Variants in TUT7 observed in about 807,000 individuals in gnomAD.
TUT7 encodes terminal uridylyltransferase 7.
TUT7 carries 33 observed loss-of-function variants against 165.9 expected under a neutral mutation model. That is an observed-to-expected ratio of 0.20 (90% CI 0.15 to 0.27). The LOEUF (loss-of-function observed/expected upper bound fraction) is 0.27. Among genes scored for constraint, TUT7 ranks in the 10% least tolerant of loss-of-function variants. TUT7 has a pLI of 1.00. For synonymous variants in TUT7, 552 were observed against 608.1 expected, an observed-to-expected ratio of 0.91 and a Z score of 1.36; for missense variants, 1,338 against 1,762.3, an observed-to-expected ratio of 0.76 and a Z score of 4.31.
At position 86,340,183 on chromosome 9, in the gene TUT7, A is replaced by G. The variant is rs1587995023; in HGVS notation, c.1139-78T>C. ...AAGCAGAACCAGATAAAGTACAAGT[A>G]CCAGTTGTCCCTTAGCTGTTGAGTC... On this transcript the variant is annotated intron_variant, in intron 7 of 26. Transcript: ENST00000375963. The G allele has an allele frequency of 3.3e-6, 4 of 1,205,040 alleles. No homozygotes were observed. The East Asian group carries it at 9.3e-5, about 28-fold the overall frequency. The allele number at this position is 1,205,040 out of a possible 1,614,324, so 74.6% of individuals were successfully genotyped here.
chr9:86,312,032 C>T lies in TUT7; in HGVS notation c.3275-1223G>A, dbSNP rs541151567. On this transcript the variant is annotated intron_variant, in intron 17 of 26. Transcript: ENST00000375963. ...AAGTGCTGAGATTGCAGCCTCTGCC[C>T]GGCCGCCACCCCGTCTGGGAAGTGA... Among the ~76,000 whole-genome samples, 815 of 152,302 alleles carry T rather than the reference C, an allele frequency of 5.4e-3. 6 individuals are homozygous for T. Among genetic ancestry groups the T allele is most frequent in the Middle Eastern group, 0.037 (11 of 294 alleles).
At chr9:86,317,482 T>C (rs1396483559) in intron 16 of TUT7, among the ~76,000 whole-genome samples, 1 of 152,196 alleles carries the variant, frequency 6.6e-6, no homozygotes, top group East Asian at 1.9e-4. Context: ...TACTTCCTAA[T>C]TGTTTTTGGG....
At chr9:86,324,923 C>T (rs561960349) in intron 12 of TUT7, among the ~76,000 whole-genome samples, 7 of 152,106 alleles carry the variant, frequency 4.6e-5, no homozygotes, top group African/African-American at 1.7e-4. Context: ...ACATTTTTGA[C>T]GAGAAAAAGT....
At position 86,319,634 on chromosome 9, in the gene TUT7, C is replaced by T. The variant is rs1829044288; in HGVS notation, c.3065G>A (p.Arg1022His). Residue 1022 changes from arginine (R) to histidine (H), a missense_variant, in exon 15 of 27, where the codon CGT (arginine) becomes CAT (histidine). Transcript: ENST00000375963. ...FSPTIIEDQA[R>H]EHIRQNLESF... ...TTCTAGGTTTTGCCGAATATGTTCA[C>T]GAGCCTGATCTTCTATAATTGTTGG... is the stretch of plus-strand genomic sequence containing the variant. 1 of 1,609,030 alleles carries T rather than the reference C, an allele frequency of 6.2e-7. No individual in the cohort carries two copies. The highest frequency in any genetic ancestry group is 8.5e-7 in the Non-Finnish European group (1 of 1,178,294).
At chr9:86,304,803 A>C in intron 24 of TUT7, 53 bp downstream of exon 24, 5 of 1,258,578 alleles carry the variant, frequency 4.0e-6, no homozygotes, top group Non-Finnish European at 5.6e-6. Context: ...TGATGTGTAC[A>C]AATTAGGCAC....
At chr9:86,288,789 C>T in intron 26 of TUT7, 45 bp from the exon 27 acceptor site, 1 of 1,506,654 alleles carries the variant, frequency 6.6e-7, no homozygotes, top group Non-Finnish European at 9.2e-7. Context: ...TGAAACAAGC[C>T]TCGCTTTATG....
At position 86,352,728 on chromosome 9, in the gene TUT7, C is replaced by G. The variant is rs1280799744; in HGVS notation, c.472G>C (p.Asp158His). 1 of 1,614,188 alleles carries G rather than the reference C, an allele frequency of 6.2e-7. No individual in the cohort carries two copies. Among genetic ancestry groups the G allele is most frequent in the South Asian group, 1.1e-5 (1 of 91,078 alleles). Residue 158 changes from aspartate (D) to histidine (H), a missense_variant, in exon 2 of 27, where the codon GAC becomes CAC. Physicochemically the swap from Asp to His is moderately conservative, Grantham distance 81. This residue lies in a region of TUT7 where 434 missense variants were observed against 480.8 expected (regional missense o/e 0.90). Coordinates refer to ENST00000375963, the MANE Select transcript of TUT7 (RefSeq NM_024617.4). Reference sequence around the variant, plus strand: ...GACGTGGTTTCTAGGCTTGTTAGGTCTTTATGAAACAGTCGTCTTACAGTT... The same window carrying G: ...GACGTGGTTTCTAGGCTTGTTAGGTGTTTATGAAACAGTCGTCTTACAGTT... ...CRTVRRLFHKDLTSLETTSEM... is the reference protein window; with the variant it reads ...CRTVRRLFHKHLTSLETTSEM...
At chr9:86,298,082 T>G (rs2131285110) in intron 26 of TUT7, among the ~76,000 whole-genome samples, 1 of 152,268 alleles carries the variant, frequency 6.6e-6, no homozygotes, top group South Asian at 2.1e-4. Context: ...TTTCATTTGA[T>G]TCTTTGCTTA....
At position 86,311,084 on chromosome 9, in the gene TUT7, A is replaced by G. The variant is rs1384382419; in HGVS notation, c.3275-275T>C. On this transcript the variant is annotated intron_variant, in intron 17 of 26. Coordinates refer to ENST00000375963, the MANE Select transcript of TUT7 (RefSeq NM_024617.4). This position sits in a 1 kb window ranked among gnomAD's most constrained non-coding sequence, Gnocchi z 4.4. ...CTGGATCGTATGTGCACACGTGTGC[A>G]TGTGTGTATATGCATGTGTATGTCG... 6.6e-6 allele frequency among the ~76,000 whole-genome samples: 1 copy of G among 152,224 alleles called. No individual in the cohort carries two copies. Among genetic ancestry groups the G allele is most frequent in the Non-Finnish European group, 1.5e-5 (1 of 68,034 alleles).
chr9:86,312,731 G>A (rs1214709119), intron 17 of TUT7, among the ~76,000 whole-genome samples: 1 of 152,186 alleles, frequency 6.6e-6, no homozygotes, highest in African/African-American at 2.4e-5. Flanking sequence ...TGTAGAAAGA[G>A]GTAGACATGG....
At chr9:86,353,260 A>T (rs1193221433) in intron 1 of TUT7, 30 bp from the exon 2 acceptor site, 1 of 1,479,868 alleles carries the variant, frequency 6.8e-7, no homozygotes, top group Admixed American at 2.3e-5. Context: ...GGAAATATCA[A>T]ACTATATAAC....
intron 25 of TUT7, among the ~76,000 whole-genome samples, chr9:86,302,030 C>T (rs1242992500): frequency 6.6e-6 from 1 of 152,128 alleles, no homozygotes; most frequent in Admixed American, 6.5e-5. Flanking sequence ...AAGATTTATG[C>T]TCTTAAAATG....
intron 26 of TUT7, chr9:86,298,662 A>G: frequency 2.3e-6 from 1 of 443,656 alleles, no homozygotes; most frequent in Non-Finnish European, 3.0e-6. Flanking sequence ...CTGATGTCCA[A>G]TCCCTGTTAA....
intron 7 of TUT7, among the ~76,000 whole-genome samples, chr9:86,340,321 T>C (rs1223703674): frequency 6.6e-6 from 1 of 152,254 alleles, no homozygotes; most frequent in African/African-American, 2.4e-5. Flanking sequence ...GTAAAGTGAA[T>C]GTTTCATTAT....
intron 26 of TUT7, chr9:86,298,745 G>GT (rs1308018663): frequency 4.1e-5 from 40 of 969,702 alleles, no homozygotes; most frequent in South Asian, 4.8e-5. Flanking sequence ...ACACACATTT[G>GT]TTTTTTTTAA....
chr9:86,326,162 T>C (rs991827761), intron 11 of TUT7, among the ~76,000 whole-genome samples: 1 of 152,258 alleles, frequency 6.6e-6, no homozygotes, highest in Admixed American at 6.5e-5. Context: ...TGCCACGTCA[T>C]AGCTCTTAAT....
In TUT7 at chr9:86,301,386, A is replaced by G. The variant is rs541050358; in HGVS notation, c.4310T>C (p.Val1437Ala). The G allele has an allele frequency of 2.9e-5, 46 of 1,613,892 alleles. No homozygotes were observed. In the East Asian group the frequency reaches 9.6e-4, roughly 34 times the overall value. Residue 1437 changes from valine to alanine, a missense_variant, in exon 26 of 27, where the codon GTA becomes GCA. Around this residue, in one of 7 missense-constraint regions of TUT7, gnomAD observed 167 missense variants for 204.9 expected, o/e 0.82. Coordinates refer to ENST00000375963, the MANE Select transcript of TUT7 (RefSeq NM_024617.4). ...LGREKILRPPVEKWKRQDDKD... is the reference protein window; with the variant it reads ...LGREKILRPPAEKWKRQDDKD... ...GTCATCCTGTCTCTTCCATTTTTCT[A>G]CTGGTGGCCTGAGGATCTTCTCCCT... is the stretch of plus-strand genomic sequence containing the variant.
intron 22 of TUT7, among the ~76,000 whole-genome samples, chr9:86,305,754 A>G (rs1827401728): frequency 6.6e-6 from 1 of 152,154 alleles, no homozygotes; most frequent in South Asian, 2.1e-4. Context: ...ACACACTTAT[A>G]AAACACACAG....
chr9:86,319,509 G>T (rs1829030294), intron 15 of TUT7, 75 bp downstream of exon 15: 1 of 1,008,788 alleles, frequency 9.9e-7, no homozygotes. Context: ...CAAAATCAGT[G>T]TGCTTGTAAC....
Sources: allele counts gnomAD v4.1 joint callset (sites outside exome capture counted in the v4.1 genomes callset), GRCh38; gene constraint gnomAD v4.1.1; regional missense constraint gnomAD v4.1.1; non-coding constraint Gnocchi (gnomAD v3.1); transcripts MANE v1.5; gene names NCBI Gene and HGNC (gene_info 2026-07-23, HGNC 2026-07-21).